The following NR1H4 variants were observed in gnomAD, a reference collection of about 807,000 sequenced individuals.
NR1H4 encodes bile acid receptor.
A neutral mutation model predicts 58.5 loss-of-function variants in NR1H4; 23 were observed. The ratio of observed to expected loss-of-function variants is 0.39; its 90% CI spans 0.28 to 0.56. NR1H4 has a LOEUF of 0.56. Among genes scored for constraint, NR1H4 ranks in the 20% least tolerant of loss-of-function variants. The pLI, the probability that NR1H4 is intolerant of heterozygous loss-of-function variation, is 0.58. For missense variants in NR1H4, 487 were observed against 576.9 expected (o/e 0.84, Z 1.60); for synonymous variants, 214 against 198.0 (o/e 1.08, Z -0.68).
Position 100,540,732 on chromosome 12 carries a change from C to A in NR1H4, c.992C>A (p.Ala331Asp). Residue 331 changes from alanine (A) to aspartate (D), a missense_variant, in exon 9 of 11, where the codon GCT becomes GAT. Transcript: ENST00000392986. The part of the protein sequence containing the change: ...IALLKGSAVE[A>D]MFLRSAEIFN... ...TTGCTGAAAGGGTCTGCGGTTGAAG[C>A]TATGTTCCTTCGTTCAGCTGAGATT... 6.2e-7 allele frequency: 1 copy of A among 1,614,094 alleles called. No individual in the cohort carries two copies. Among genetic ancestry groups the A allele is most frequent in the Non-Finnish European group, 8.5e-7 (1 of 1,179,972 alleles).
intron 6 of NR1H4, 61 bp downstream of exon 6, chr12:100,535,084 G>A: frequency 6.3e-7 from 1 of 1,599,738 alleles, no homozygotes; most frequent in Non-Finnish European, 8.6e-7. Flanking sequence ...GGTACATAGT[G>A]AGCTGGCCAG....
chr12:100,508,050 T>C (rs530702905), intron 3 of NR1H4, among the ~76,000 whole-genome samples: 1 of 151,608 alleles, frequency 6.6e-6, no homozygotes, highest in Non-Finnish European at 1.5e-5. Flanking sequence ...GAGGCCCAGG[T>C]AGGGTAAGTA....
At chr12:100,548,080 C>T (rs1955118662) in intron 9 of NR1H4, among the ~76,000 whole-genome samples, 1 of 149,558 alleles carries the variant, frequency 6.7e-6, no homozygotes, top group South Asian at 2.2e-4. Context: ...CTGAAGAATA[C>T]TTATGAGCTG....
chr12:100,494,831 G>T (rs971177268), intron 3 of NR1H4, among the ~76,000 whole-genome samples: 5 of 152,154 alleles, frequency 3.3e-5, no homozygotes, highest in Admixed American at 6.5e-5. Context: ...TTGCACTCAA[G>T]ATTTTTTTTC....
At chr12:100,536,739 C>A (rs1414645503) in intron 7 of NR1H4, 129 bp downstream of exon 7, 4 of 695,306 alleles carry the variant, frequency 5.8e-6, no homozygotes, top group African/African-American at 5.4e-5. Flanking sequence ...TCAAGTTAGA[C>A]TTTTAAACTC....
chr12:100,503,015 A>G (rs1317617076), intron 3 of NR1H4, among the ~76,000 whole-genome samples: 2 of 152,168 alleles, frequency 1.3e-5, no homozygotes, highest in African/African-American at 2.4e-5. Context: ...CAGCCAAACC[A>G]TATCAAGCAT....
chr12:100,558,446 C>T (rs917968589), intron 9 of NR1H4, among the ~76,000 whole-genome samples: 3 of 151,950 alleles, frequency 2.0e-5, no homozygotes, highest in Non-Finnish European at 2.9e-5. Context: ...GCAGCCTCAA[C>T]CTCCAGGCTT....
chr12:100,480,418 G>A (rs186142682), intron 1 of NR1H4, among the ~76,000 whole-genome samples: 133 of 152,206 alleles, frequency 8.7e-4, no homozygotes, highest in Non-Finnish European at 1.6e-3. Context: ...CACATCCACC[G>A]TACTAGTGGG....
chr12:100,491,700 T>G (rs1953610003), intron 1 of NR1H4, among the ~76,000 whole-genome samples: 1 of 151,936 alleles, frequency 6.6e-6, no homozygotes, highest in Non-Finnish European at 1.5e-5. Flanking sequence ...TGATGGGCTA[T>G]GCCGTGGGTT....
rs889887628 is a variant in NR1H4, at chr12:100,503,500, G to A, written c.80-7278G>A. ...ATGAGTATGAAGCCCGCGAAAGGTA[G>A]GACACTGTTCACAGGTGCTTTCAGG... On this transcript the variant is annotated intron_variant, in intron 3 of 10. Transcript: ENST00000392986. 7 of 1,591,130 alleles carry A rather than the reference G, an allele frequency of 4.4e-6. No individual in the cohort carries two copies. The African/African-American group carries it at 6.7e-5, about 15-fold the overall frequency.
intron 9 of NR1H4, among the ~76,000 whole-genome samples, chr12:100,548,015 C>G (rs757986541): frequency 2.0e-5 from 3 of 151,040 alleles, no homozygotes; most frequent in Non-Finnish European, 4.4e-5. Flanking sequence ...CCACCGCACC[C>G]GGCCCTGTTC....
In NR1H4 at chr12:100,561,971, C is replaced by A; in HGVS notation, c.1165C>A (p.Leu389Ile). ...AATGACTCAAGAGGAGTATGCTCTG[C>A]TTACAGCAATTGTTATCCTGTCTCC... Reference protein sequence around the residue: ...LKMTQEEYALLTAIVILSPDR... With the variant: ...LKMTQEEYALITAIVILSPDR... The change falls in exon 10 of 11, where the codon CTT becomes ATT. Residue 389 changes from leucine to isoleucine, a missense_variant. Physicochemically the swap from Leu to Ile is conservative, Grantham distance 5. Coordinates refer to ENST00000392986, the MANE Select transcript of NR1H4 (RefSeq NM_001206979.2). 6.4e-7 allele frequency: 1 copy of A among 1,556,054 alleles called. No individual in the cohort carries two copies. Among genetic ancestry groups the A allele is most frequent in the Non-Finnish European group, 8.9e-7 (1 of 1,127,486 alleles).
chr12:100,484,113 T>C (rs1232036915), intron 1 of NR1H4, among the ~76,000 whole-genome samples: 1 of 152,078 alleles, frequency 6.6e-6, no homozygotes, highest in East Asian at 1.9e-4. Flanking sequence ...ATGGATTACA[T>C]AGATATCCAA....
chr12:100,547,549 T>C (rs1955099566), intron 9 of NR1H4, among the ~76,000 whole-genome samples: 1 of 151,988 alleles, frequency 6.6e-6, no homozygotes, highest in African/African-American at 2.4e-5. Context: ...TTGAGGCAAG[T>C]GGTGTGGTTC....
Position 100,486,313 on chromosome 12 carries a change from T to C in NR1H4, c.-189-6190T>C, listed in dbSNP as rs529519477. ...AATATGAAATAAATATAAGCAATGA[T>C]TCCTCTCTTCTAGAAGTTTACGATC... On this transcript the variant is annotated intron_variant, in intron 1 of 10. Coordinates refer to ENST00000392986, the MANE Select transcript of NR1H4 (RefSeq NM_001206979.2). Among the ~76,000 whole-genome samples, 59 of 152,324 alleles carry C rather than the reference T, an allele frequency of 3.9e-4. 1 individual carries two copies. The South Asian group carries it at 0.012, about 32-fold the overall frequency.
chr12:100,516,492 G>A (rs1256022641), intron 4 of NR1H4, among the ~76,000 whole-genome samples: 1 of 151,664 alleles, frequency 6.6e-6, no homozygotes, highest in African/African-American at 2.4e-5. Flanking sequence ...TCAGCCTCCC[G>A]AGTAGCTGGG....
chr12:100,482,180 G>A (rs906912025), intron 1 of NR1H4, among the ~76,000 whole-genome samples: 11 of 152,116 alleles, frequency 7.2e-5, no homozygotes, highest in Admixed American at 6.5e-5. Flanking sequence ...GTATAAAATG[G>A]TTCCCATGGG....
intron 1 of NR1H4, among the ~76,000 whole-genome samples, chr12:100,477,335 T>G (rs1953292433): frequency 6.6e-6 from 1 of 152,106 alleles, no homozygotes; most frequent in South Asian, 2.1e-4. Context: ...GTTCTGGTGA[T>G]TAAAATAAAT....
intron 9 of NR1H4, among the ~76,000 whole-genome samples, chr12:100,552,045 C>G (rs1804324427): frequency 6.6e-6 from 1 of 152,188 alleles, no homozygotes; most frequent in South Asian, 2.1e-4. Flanking sequence ...TCCATGGATA[C>G]AGAACCCACA....
Sources: gnomAD v4.1 joint callset for allele counts (sites outside exome capture counted in the v4.1 genomes callset) on GRCh38, gnomAD v4.1.1 for gene constraint, MANE v1.5 for transcripts, NCBI Gene and HGNC (gene_info 2026-07-23, HGNC 2026-07-21) for gene names.